ZNF106: variants seen among roughly 807,000 people sequenced by gnomAD.
ZNF106 encodes the protein SH3-domain binding protein 3.
In ZNF106, 67 loss-of-function variants were observed where a neutral mutation model predicts 195.1. The observed-to-expected ratio is 0.34, with a 90% confidence interval of 0.28 to 0.42. ZNF106 has a LOEUF of 0.42. Ranked by LOEUF, ZNF106 falls within the 10% of genes least tolerant of loss-of-function variation. The probability of loss-of-function intolerance (pLI) is 1.00; values close to 1 mark genes in which losing one functional copy is unlikely to be tolerated. For missense variants in ZNF106, 2,118 were observed against 2,304.5 expected, an observed-to-expected ratio of 0.92 and a Z score of 1.66; for synonymous variants, 784 against 818.6, an observed-to-expected ratio of 0.96 and a Z score of 0.72.
intron 17 of ZNF106, among the ~76,000 whole-genome samples, chr15:42,423,402 G>A (rs2054739865): frequency 6.6e-6 from 1 of 151,662 alleles, no homozygotes; most frequent in African/African-American, 2.4e-5. Flanking sequence ...AAAGAAATGG[G>A]GTCTCACTTG....
chr15:42,440,082 CTT>C (rs1440852060), intron 10 of ZNF106, among the ~76,000 whole-genome samples: 1 of 152,158 alleles, frequency 6.6e-6, no homozygotes, highest in Non-Finnish European at 1.5e-5. Flanking sequence ...AATCTTTTTT[CTT>C]GTTTTAAATG....
rs912125608 is a variant in ZNF106, at chr15:42,444,769, G to C, written c.3360+58C>G. On this transcript the variant is annotated intron_variant, in intron 8 of 21. Transcript: ENST00000564754. Reference sequence around the variant, plus strand: ...GGTGACTCCAGACATGGGTTTGGCAGCACAAAACAAGATTTCGGAGATGAT... The same window carrying C: ...GGTGACTCCAGACATGGGTTTGGCACCACAAAACAAGATTTCGGAGATGAT... The C allele has an allele frequency of 5.0e-6, 8 of 1,594,508 alleles. No homozygotes were observed. In the African/African-American group the frequency reaches 1.1e-4, roughly 21 times the overall value.
chr15:42,446,535 CAA>C, intron 7 of ZNF106, 52 bp downstream of exon 7: 1 of 1,466,458 alleles, frequency 6.8e-7, no homozygotes, highest in South Asian at 1.2e-5. Context: ...CCGCACCCCC[CAA>C]AAAAAACCAA....
intron 2 of ZNF106, among the ~76,000 whole-genome samples, chr15:42,469,345 A>C (rs1003966274): frequency 6.6e-6 from 1 of 152,168 alleles, no homozygotes; most frequent in African/African-American, 2.4e-5. Flanking sequence ...AACAGCATTC[A>C]CTGAAATGGG....
chr15:42,482,175 A>C lies in ZNF106; in HGVS notation c.-33+8805T>G, dbSNP rs552611781. Among the ~76,000 whole-genome samples the C allele has an allele frequency of 2.6e-5, 4 of 152,314 alleles. 1 individual carries two copies. The South Asian group carries it at 8.3e-4, about 32-fold the overall frequency. Reference sequence around the variant, plus strand: ...ATTTAGTTATCTTAGTTTCACACTCATTCTTTATGAATACATTTTCCTTTA... The same window carrying C: ...ATTTAGTTATCTTAGTTTCACACTCCTTCTTTATGAATACATTTTCCTTTA... On this transcript the variant is annotated intron_variant, in intron 1 of 21. Transcript: ENST00000564754.
At chr15:42,460,571 T>C (rs2056364481) in intron 3 of ZNF106, among the ~76,000 whole-genome samples, 1 of 152,300 alleles carries the variant, frequency 6.6e-6, no homozygotes, top group South Asian at 2.1e-4. Context: ...AAGTGCAGTA[T>C]AAAAGTTAAC....
chr15:42,421,036 T>A, intron 20 of ZNF106, 25 bp downstream of exon 20: 2 of 1,611,314 alleles, frequency 1.2e-6, no homozygotes, highest in Non-Finnish European at 1.7e-6. Flanking sequence ...AGAAGTCCAG[T>A]GACAGGAAGA....
chr15:42,491,024 G>A lies in ZNF106; in HGVS notation c.-77C>T, dbSNP rs1429553584. ...TACTCCATCAGGCCGCCGAGAGCCA[G>A]GCGAGGGAGCTCCCTGACGCCTCAG... is the stretch of plus-strand genomic sequence containing the variant. On this transcript the variant is annotated 5_prime_UTR_variant, in exon 1 of 22. Coordinates refer to ENST00000564754, the MANE Select transcript of ZNF106 (RefSeq NM_001366845.3). 1 of 152,272 alleles carries A rather than the reference G, an allele frequency of 6.6e-6. No individual in the cohort carries two copies. Among genetic ancestry groups the A allele is most frequent in the Non-Finnish European group, 1.5e-5 (1 of 68,112 alleles). The allele number at this position is 152,272 out of a possible 1,614,324, so 9.4% of individuals were successfully genotyped here. A position where few individuals can be genotyped will look rare whatever the true frequency, so the allele number is the denominator to read the frequency against.
At chr15:42,429,662 A>G (rs768504681) in intron 14 of ZNF106, among the ~76,000 whole-genome samples, 2 of 152,042 alleles carry the variant, frequency 1.3e-5, no homozygotes, top group Admixed American at 6.5e-5. Flanking sequence ...AATCACAAAC[A>G]TAAGTGCCAT....
rs1252516118 is a variant in ZNF106, at chr15:42,414,479, CAA to C, written c.*2823_*2824del. 6.6e-6 allele frequency: 1 copy of C among 152,190 alleles called. No individual in the cohort carries two copies. Among genetic ancestry groups the C allele is most frequent in the Admixed American group, 6.5e-5 (1 of 15,282 alleles). The allele number at this position is 152,190 out of a possible 1,614,324, so 9.4% of individuals were successfully genotyped here. A position where few individuals can be genotyped will look rare whatever the true frequency, so the allele number is the denominator to read the frequency against. On this transcript the variant is annotated 3_prime_UTR_variant, in exon 22 of 22. Coordinates refer to ENST00000564754, the MANE Select transcript of ZNF106 (RefSeq NM_001366845.3). ...CTTTGTGAAATGAAGAAAAATATGA[CAA>C]ACACAGGTTCCCACACGTACACATA... is the stretch of plus-strand genomic sequence containing the variant.
intron 13 of ZNF106, 80 bp downstream of exon 13, chr15:42,437,152 C>T (rs1025334777): frequency 6.8e-7 from 1 of 1,465,372 alleles, no homozygotes; most frequent in Non-Finnish European, 9.2e-7. Flanking sequence ...CCAACAAATT[C>T]CCTTTATTGT....
chr15:42,431,739 G>A (rs982159705), intron 14 of ZNF106, among the ~76,000 whole-genome samples: 1 of 152,094 alleles, frequency 6.6e-6, no homozygotes, highest in Non-Finnish European at 1.5e-5. Context: ...CTCCCAAAGT[G>A]CTGGGATTAC....
intron 8 of ZNF106, among the ~76,000 whole-genome samples, chr15:42,444,543 G>A (rs760646814): frequency 6.6e-6 from 1 of 151,890 alleles, no homozygotes; most frequent in Non-Finnish European, 1.5e-5. Context: ...TCCACATCCC[G>A]CCCCCTGGCT....
rs771961687 is a variant in ZNF106, at chr15:42,437,240, T to C, written c.4738A>G (p.Asn1580Asp). ...CSADKTVRVY[N>D]LVSRKCIGVF... The stretch of plus-strand genomic sequence containing the variant: ...ATGTTCTATCAACTTACCACCAGAT[T>C]ATAAACCCGAACAGTTTTATCTGCT... The change falls in exon 13 of 22, where the codon AAT becomes GAT. Residue 1580 changes from asparagine (N) to aspartate (D), a missense_variant. Coordinates refer to ENST00000564754, the MANE Select transcript of ZNF106 (RefSeq NM_001366845.3). The C allele has an allele frequency of 6.2e-7, 1 of 1,611,842 alleles. No individual in the cohort carries two copies. The highest frequency in any genetic ancestry group is 8.5e-7 in the Non-Finnish European group (1 of 1,179,152).
Position 42,467,477 on chromosome 15 carries a change from C to T in ZNF106, c.55-1363G>A, listed in dbSNP as rs117263754. On this transcript the variant is annotated intron_variant, in intron 2 of 21. Coordinates refer to ENST00000564754, the MANE Select transcript of ZNF106 (RefSeq NM_001366845.3). ...ATTATATGCCAAGAATAGAGCTAGG[C>T]ATTGAAGGTTAAGCGTGAAAATATT... Among the ~76,000 whole-genome samples the T allele has an allele frequency of 1.1e-4, 16 of 152,172 alleles. No individual in the cohort carries two copies. In the East Asian group the frequency reaches 2.9e-3, roughly 28 times the overall value.
At chr15:42,453,598 T>TG (rs1399769147) in intron 4 of ZNF106, among the ~76,000 whole-genome samples, 1 of 145,660 alleles carries the variant, frequency 6.9e-6, no homozygotes, top group East Asian at 2.0e-4. Flanking sequence ...AGGCAAGTAT[T>TG]TTTTTTTTTT....
chr15:42,456,464 T>C (rs1161165870), intron 4 of ZNF106, among the ~76,000 whole-genome samples: 1 of 151,998 alleles, frequency 6.6e-6, no homozygotes, highest in African/African-American at 2.4e-5. Context: ...GCCTGGCTAA[T>C]GGGGTTAAAC....
chr15:42,449,817 G>C lies in ZNF106; in HGVS notation c.2455C>G (p.Gln819Glu). 1.2e-6 allele frequency: 2 copies of C among 1,614,170 alleles called. No individual in the cohort carries two copies. Among genetic ancestry groups the C allele is most frequent in the Non-Finnish European group, 1.7e-6 (2 of 1,180,024 alleles). ...TCTTGCTTTTTCTTGGTTACTTGCT[G>C]AATGACCTGTTCCCAGTTGACATTT... ...RRNVNWEQVIQQVTKKKQELG... is the reference protein window; with the variant it reads ...RRNVNWEQVIEQVTKKKQELG... Residue 819 changes from glutamine (Q) to glutamate (E), a missense_variant, in exon 5 of 22, where the codon CAG (glutamine) becomes GAG (glutamate). Physicochemically the swap from Gln to Glu is conservative, Grantham distance 29 (BLOSUM62 2). Transcript: ENST00000564754.
Position 42,451,933 on chromosome 15 carries a change from G to A in ZNF106, c.339C>T (p.Ser113=). 6.2e-7 allele frequency: 1 copy of A among 1,610,162 alleles called. No homozygotes were observed. Among genetic ancestry groups the A allele is most frequent in the Non-Finnish European group, 8.5e-7 (1 of 1,178,300 alleles). The change falls in exon 5 of 22, where the codon AGC becomes AGT. Residue 113 remains serine (S), a synonymous_variant. Transcript: ENST00000564754. ...EQSRQDEPSN[S]NQEINSDDRR... is the part of the protein sequence containing the mutation. ...TGTCATCAGAGTTTATTTCTTGGTT[G>A]CTATTGGAAGGTTCATCTTGTCTGG...
Sources: allele counts gnomAD v4.1 joint callset (sites outside exome capture counted in the v4.1 genomes callset), GRCh38; gene constraint gnomAD v4.1.1; transcripts MANE v1.5; gene names NCBI Gene and HGNC (gene_info 2026-07-23, HGNC 2026-07-21).